The following ATRNL1 variants were observed in gnomAD, a reference collection of about 807,000 sequenced individuals.
The protein encoded by ATRNL1 is attractin like 1.
A neutral mutation model predicts 182.7 loss-of-function variants in ATRNL1; 95 were observed. That is an observed-to-expected ratio of 0.52 (90% CI 0.44 to 0.62). The LOEUF (loss-of-function observed/expected upper bound fraction) is 0.62, where lower values mean the gene tolerates loss of function less well. Ranked by LOEUF, ATRNL1 falls within the 20% of genes least tolerant of loss-of-function variation. The pLI is 0.00. For missense variants in ATRNL1, 1,471 were observed against 1,679.5 expected (o/e 0.88, Z 2.17); for synonymous variants, 576 against 568.3 (o/e 1.01, Z -0.19).
chr10:115,422,170 A>G (rs1443576970), intron 20 of ATRNL1, among the ~76,000 whole-genome samples: 6 of 152,208 alleles, frequency 3.9e-5, no homozygotes, highest in African/African-American at 1.4e-4. Context: ...AGTAATTGCA[A>G]CAACAAAGAA....
chr10:115,752,278 GAT>G (rs1358195098), intron 27 of ATRNL1, among the ~76,000 whole-genome samples: 2 of 151,910 alleles, frequency 1.3e-5, no homozygotes, highest in Non-Finnish European at 2.9e-5. Context: ...CCAAAAGAGA[GAT>G]TTAAAGGGAT....
chr10:115,164,232 A>G (rs956005079), intron 6 of ATRNL1, among the ~76,000 whole-genome samples: 1 of 152,228 alleles, frequency 6.6e-6, no homozygotes, highest in African/African-American at 2.4e-5. Context: ...TTCATGTTAC[A>G]TAATCCAACA....
At chr10:115,395,612 C>G (rs1165779794) in intron 20 of ATRNL1, among the ~76,000 whole-genome samples, 1 of 151,570 alleles carries the variant, frequency 6.6e-6, no homozygotes, top group Non-Finnish European at 1.5e-5. Context: ...AATTCTTGTC[C>G]TTTAACCCTT....
rs1310053344 is a variant in ATRNL1, at chr10:115,613,679, A to G, written c.3795+64143A>G. On this transcript the variant is annotated intron_variant, in intron 26 of 28. Transcript: ENST00000355044. ...CTGGGTATTTTGTTATTAGAAGACT[A>G]TTACTGGTTCAATCCAGTTACTGAT... Among the ~76,000 whole-genome samples, 4 of 152,136 alleles carry G rather than the reference A, an allele frequency of 2.6e-5. No individual in the cohort carries two copies. The East Asian group carries it at 7.7e-4, about 29-fold the overall frequency.
intron 26 of ATRNL1, among the ~76,000 whole-genome samples, chr10:115,621,280 G>GAGAGAGAA (rs1565220741): frequency 3.6e-5 from 2 of 55,242 alleles, no homozygotes; most frequent in African/African-American, 1.3e-4. Context: ...TATATATAGA[G>GAGAGAGAA]AGAGAGAGAG....
At chr10:115,721,036 A>T (rs1329915571) in intron 26 of ATRNL1, among the ~76,000 whole-genome samples, 1 of 152,194 alleles carries the variant, frequency 6.6e-6, no homozygotes, top group South Asian at 2.1e-4. Flanking sequence ...AAATAATTAA[A>T]GTATCATCTA....
chr10:115,375,983 G>A (rs551377963), intron 19 of ATRNL1, among the ~76,000 whole-genome samples: 1 of 152,052 alleles, frequency 6.6e-6, no homozygotes, highest in East Asian at 1.9e-4. Flanking sequence ...ATTTCAAATT[G>A]AAGAATTTCC....
At chr10:115,598,348 A>ATTTATTTATTTATTTATTT (rs1565201465) in intron 26 of ATRNL1, among the ~76,000 whole-genome samples, 6 of 34,038 alleles carry the variant, frequency 1.8e-4, no homozygotes, top group South Asian at 1.5e-3. Flanking sequence ...TTATTTAAAA[A>ATTTATTTATTTATTTATTT]AATTATTTAT....
intron 19 of ATRNL1, among the ~76,000 whole-genome samples, chr10:115,385,029 G>A (rs1858255215): frequency 1.3e-5 from 2 of 151,882 alleles, no homozygotes; most frequent in Non-Finnish European, 2.9e-5. Context: ...ATGTGTGCAT[G>A]TCTTGCATTT....
Position 115,301,979 on chromosome 10 carries a change from T to C in ATRNL1, c.2754T>C (p.Ser918=). The change falls in exon 17 of 29, where the codon TCT becomes TCC. Residue 918 remains serine (S), a synonymous_variant. Coordinates refer to ENST00000355044, the MANE Select transcript of ATRNL1 (RefSeq NM_207303.4). ...WCSSTKRCVD[S]NAYIISFPYG... is the part of the protein sequence containing the mutation. ...GCAGTACGAAACGATGTGTTGACTC[T>C]AATGCCTATATCATCTCTTTTCCAT... is the stretch of plus-strand genomic sequence containing the variant. The C allele has an allele frequency of 6.2e-7, 1 of 1,614,102 alleles. No individual in the cohort carries two copies. Among genetic ancestry groups the C allele is most frequent in the Non-Finnish European group, 8.5e-7 (1 of 1,179,944 alleles).
At chr10:115,532,610 C>G (rs1465627761) in intron 25 of ATRNL1, among the ~76,000 whole-genome samples, 16 of 150,848 alleles carry the variant, frequency 1.1e-4, no homozygotes, top group Non-Finnish European at 1.5e-5. Context: ...AATTGAATAC[C>G]CTTTATTTCC....
At chr10:115,465,217 T>G (rs782374356) in intron 22 of ATRNL1, among the ~76,000 whole-genome samples, 48 of 151,746 alleles carry the variant, frequency 3.2e-4, no homozygotes, top group Non-Finnish European at 5.2e-4. Flanking sequence ...TTACTGTATA[T>G]GAAACTGTTA....
intron 26 of ATRNL1, among the ~76,000 whole-genome samples, chr10:115,617,979 G>A (rs561812857): frequency 6.6e-6 from 1 of 152,220 alleles, no homozygotes; most frequent in Admixed American, 6.5e-5. Flanking sequence ...GATAGTGAGT[G>A]AGTTCTCATG....
intron 27 of ATRNL1, among the ~76,000 whole-genome samples, chr10:115,741,938 T>C (rs2532699): frequency 0.98 from 149,584 of 152,256 alleles, 73,527 homozygotes; most frequent in Middle Eastern, 1. Context: ...GTTTTAGAAC[T>C]ATTAGAATTA....
intron 17 of ATRNL1, among the ~76,000 whole-genome samples, chr10:115,310,136 T>A (rs1446522772): frequency 6.6e-6 from 1 of 152,218 alleles, no homozygotes; most frequent in Non-Finnish European, 1.5e-5. Flanking sequence ...TTTAATTCAT[T>A]TTATATGATG....
chr10:115,183,196 A>T (rs1186705348), intron 8 of ATRNL1, among the ~76,000 whole-genome samples: 4 of 151,562 alleles, frequency 2.6e-5, no homozygotes, highest in African/African-American at 9.7e-5. Flanking sequence ...AGCAACACAT[A>T]TAAAGATTTA....
At chr10:115,697,995 A>T (rs2133987860) in intron 26 of ATRNL1, among the ~76,000 whole-genome samples, 1 of 152,298 alleles carries the variant, frequency 6.6e-6, no homozygotes, top group South Asian at 2.1e-4. Flanking sequence ...TAGAGCTTAA[A>T]ATGCCAGATA....
At chr10:115,142,335 C>A (rs1253973720) in intron 5 of ATRNL1, among the ~76,000 whole-genome samples, 1 of 151,916 alleles carries the variant, frequency 6.6e-6, no homozygotes, top group Non-Finnish European at 1.5e-5. Context: ...GTTCAAAGAC[C>A]CTAAGGCAAG....
At chr10:115,121,616 A>G (rs1282744073) in intron 2 of ATRNL1, 83 bp from the exon 3 acceptor site, 1 of 471,376 alleles carries the variant, frequency 2.1e-6, no homozygotes, top group Admixed American at 3.9e-5. Context: ...TGTGCTTTGT[A>G]TATTATATAA....
Sources: allele counts gnomAD v4.1 joint callset (sites outside exome capture counted in the v4.1 genomes callset), GRCh38; gene constraint gnomAD v4.1.1; transcripts MANE v1.5; gene names NCBI Gene and HGNC (gene_info 2026-07-23, HGNC 2026-07-21).